MACROD2: variants seen among roughly 807,000 people sequenced by gnomAD.
The protein encoded by MACROD2 is mono-ADP ribosylhydrolase 2, also known as ADP-ribose glycohydrolase MACROD2.
A neutral mutation model predicts 70.4 loss-of-function variants in MACROD2; 36 were observed. The observed-to-expected ratio is 0.51, with a 90% confidence interval of 0.39 to 0.68. The LOEUF (loss-of-function observed/expected upper bound fraction) is 0.68, where lower values mean the gene tolerates loss of function less well. MACROD2 is among the 30% of genes least tolerant of loss of function. The pLI is 0.00. For missense variants in MACROD2, 496 were observed against 538.4 expected (o/e 0.92, Z 0.78); for synonymous variants, 172 against 178.8 (o/e 0.96, Z 0.30).
intron 5 of MACROD2, among the ~76,000 whole-genome samples, chr20:14,848,928 C>A (rs2073170802): frequency 6.6e-6 from 1 of 152,084 alleles, no homozygotes; most frequent in Non-Finnish European, 1.5e-5. Flanking sequence ...TACTCCACAT[C>A]CTCCGGCAGA....
intron 3 of MACROD2, among the ~76,000 whole-genome samples, chr20:14,186,088 G>T (rs926176305): frequency 6.6e-6 from 1 of 152,198 alleles, no homozygotes; most frequent in South Asian, 2.1e-4. Context: ...AACCCAGCTA[G>T]CTTCTGACAG....
intron 11 of MACROD2, among the ~76,000 whole-genome samples, chr20:15,937,191 G>C (rs2065677659): frequency 6.6e-6 from 1 of 152,178 alleles, no homozygotes; most frequent in Non-Finnish European, 1.5e-5. Flanking sequence ...GAGGGATGAG[G>C]AAGAAACAAA....
At position 15,953,273 on chromosome 20, in the gene MACROD2, G is replaced by A. The variant is rs532213172; in HGVS notation, c.908-14280G>A. ...AAGGATACAAAATTATAACTAGATC[G>A]AAGAAATAAATTCTAGCATTCTATA... On this transcript the variant is annotated intron_variant, in intron 12 of 17. Coordinates refer to ENST00000684519, the MANE Select transcript of MACROD2 (RefSeq NM_001351661.2). 1.3e-3 allele frequency among the ~76,000 whole-genome samples: 205 copies of A among 152,136 alleles called. 2 individuals are homozygous for A. Among genetic ancestry groups the A allele is most frequent in the South Asian group, 0.012 (60 of 4,818 alleles).
chr20:15,486,307 T>C (rs1488560402), intron 7 of MACROD2, among the ~76,000 whole-genome samples: 1 of 152,148 alleles, frequency 6.6e-6, no homozygotes, highest in Non-Finnish European at 1.5e-5. Context: ...CCCCACCTGG[T>C]TTTCCAGGCC....
At chr20:14,866,548 G>GA (rs1471823117) in intron 5 of MACROD2, among the ~76,000 whole-genome samples, 1 of 152,086 alleles carries the variant, frequency 6.6e-6, no homozygotes, top group African/African-American at 2.4e-5. Context: ...TAATTTAGTA[G>GA]ATGACATGTT....
chr20:15,898,549 T>TTAA (rs375437469), intron 10 of MACROD2, among the ~76,000 whole-genome samples: 1 of 94,530 alleles, frequency 1.1e-5, no homozygotes, highest in African/African-American at 4.3e-5. Flanking sequence ...AGACTCAGTC[T>TTAA]AAAAAAAAAA....
intron 6 of MACROD2, among the ~76,000 whole-genome samples, chr20:15,299,074 T>A (rs2077617774): frequency 6.6e-6 from 1 of 152,206 alleles, no homozygotes; most frequent in African/African-American, 2.4e-5. Flanking sequence ...CTGGAAGTGA[T>A]AAACTAAGAC....
At position 14,326,539 on chromosome 20, in the gene MACROD2, A is replaced by G; in HGVS notation, c.272-166940A>G. Reference sequence around the variant, plus strand: ...CCCACGCACGTTGACCTTCACAGGTAGTGATTGTAACCAGTCACGTACCCA... The same window carrying G: ...CCCACGCACGTTGACCTTCACAGGTGGTGATTGTAACCAGTCACGTACCCA... On this transcript the variant is annotated intron_variant, in intron 3 of 17. Transcript: ENST00000684519. The surrounding 1 kb of genome is among the most constrained non-coding windows in gnomAD (Gnocchi z 5.5). The G allele has an allele frequency of 6.2e-7, 1 of 1,613,906 alleles. No homozygotes were observed. Among genetic ancestry groups the G allele is most frequent in the Non-Finnish European group, 8.5e-7 (1 of 1,179,850 alleles).
At chr20:14,971,011 A>G (rs1189909804) in intron 5 of MACROD2, among the ~76,000 whole-genome samples, 2 of 152,192 alleles carry the variant, frequency 1.3e-5, no homozygotes, top group Non-Finnish European at 2.9e-5. Context: ...ATCCCTTTGT[A>G]TCAGTGAGGG....
intron 5 of MACROD2, among the ~76,000 whole-genome samples, chr20:15,049,961 A>G (rs1284393357): frequency 2.6e-5 from 4 of 152,036 alleles, no homozygotes; most frequent in Admixed American, 2.0e-4. Context: ...AAAAAAAAAA[A>G]AAAAAGAATA....
At chr20:15,258,774 A>G (rs2146040367) in intron 6 of MACROD2, among the ~76,000 whole-genome samples, 1 of 152,226 alleles carries the variant, frequency 6.6e-6, no homozygotes, top group African/African-American at 2.4e-5. Context: ...TGAAATGAAT[A>G]TATGTCAAAG....
intron 2 of MACROD2, among the ~76,000 whole-genome samples, chr20:14,079,977 T>C (rs949942232): frequency 6.6e-6 from 1 of 152,064 alleles, no homozygotes; most frequent in Admixed American, 6.6e-5. Context: ...AGACTGCTGT[T>C]ATAGGGTTCC....
chr20:15,630,248 A>G (rs2049268847), intron 8 of MACROD2, among the ~76,000 whole-genome samples: 1 of 152,248 alleles, frequency 6.6e-6, no homozygotes, highest in Non-Finnish European at 1.5e-5. Context: ...GGGATAAATA[A>G]AGCAGGCAAG....
rs569807688 is a variant in MACROD2 at position 14,107,495 on chromosome 20, A to G, written c.271+21767A>G. Among the ~76,000 whole-genome samples, 32 of 152,308 alleles carry G rather than the reference A, an allele frequency of 2.1e-4. No homozygotes were observed. The South Asian group carries it at 5.6e-3, about 27-fold the overall frequency. ...GGTAGAAAGTGTATTCAAAGGAACA[A>G]TATCAGAGAATTCCCCAAACCTAGA... On this transcript the variant is annotated intron_variant, in intron 3 of 17. Transcript: ENST00000684519.
At chr20:15,516,651 C>G (rs1010271454) in intron 8 of MACROD2, among the ~76,000 whole-genome samples, 1 of 152,100 alleles carries the variant, frequency 6.6e-6, no homozygotes, top group Non-Finnish European at 1.5e-5. Context: ...TTTTCTTTTC[C>G]TTGGGAGTGA....
chr20:14,659,928 C>T (rs573175836), intron 4 of MACROD2, among the ~76,000 whole-genome samples: 1 of 152,008 alleles, frequency 6.6e-6, no homozygotes, highest in South Asian at 2.1e-4. Flanking sequence ...CCTAAAAAAC[C>T]TTTCAAATAT....
intron 8 of MACROD2, among the ~76,000 whole-genome samples, chr20:15,536,076 A>C (rs944071630): frequency 6.6e-6 from 1 of 152,318 alleles, no homozygotes; most frequent in East Asian, 1.9e-4. Flanking sequence ...AGCAGGGTCC[A>C]TGCAGTTTCA....
At position 14,484,326 on chromosome 20, in the gene MACROD2, GTA is replaced by G. The variant is rs765499577; in HGVS notation, c.272-9144_272-9143del. Reference sequence around the variant, plus strand: ...TTGTGGGTACATAGTAGATGTGTGTGTATATATATAGAAGTACATGAGATTAT... The same window carrying G: ...TTGTGGGTACATAGTAGATGTGTGTGTATATATAGAAGTACATGAGATTAT... On this transcript the variant is annotated intron_variant, in intron 3 of 17. Transcript: ENST00000684519. Among the ~76,000 whole-genome samples, 21 of 151,898 alleles carry G rather than the reference GTA, an allele frequency of 1.4e-4. 1 individual carries two copies. The highest frequency in any genetic ancestry group is 3.1e-4 in the Non-Finnish European group (21 of 67,984).
At chr20:14,530,914 C>T (rs2085295385) in intron 4 of MACROD2, among the ~76,000 whole-genome samples, 1 of 152,164 alleles carries the variant, frequency 6.6e-6, no homozygotes, top group South Asian at 2.1e-4. Context: ...CTTGCGCAGT[C>T]AGTAGCAAAA....
Sources: allele counts gnomAD v4.1 joint callset (sites outside exome capture counted in the v4.1 genomes callset), GRCh38; gene constraint gnomAD v4.1.1; non-coding constraint Gnocchi (gnomAD v3.1); transcripts MANE v1.5; gene names NCBI Gene and HGNC (gene_info 2026-07-23, HGNC 2026-07-21).